The following MCU variants were observed in gnomAD, a reference collection of about 807,000 sequenced individuals.
MCU encodes the protein calcium uniporter protein, mitochondrial.
MCU carries 12 observed loss-of-function variants against 45.2 expected under a neutral mutation model. That is an observed-to-expected ratio of 0.27 (90% CI 0.17 to 0.43). The LOEUF (loss-of-function observed/expected upper bound fraction) is 0.43, where lower values mean the gene tolerates loss of function less well. Among genes scored for constraint, MCU ranks in the 20% least tolerant of loss-of-function variants. The pLI, the probability that MCU is intolerant of heterozygous loss-of-function variation, is 1.00. For synonymous variants in MCU, 160 were observed against 165.1 expected, an observed-to-expected ratio of 0.97 and a Z score of 0.24; for missense variants, 324 against 436.7, an observed-to-expected ratio of 0.74 and a Z score of 2.30.
chr10:72,757,040 A>G (rs937079927), intron 1 of MCU: 2 of 152,058 alleles, frequency 1.3e-5, no homozygotes. Context: ...GAAAAGAACC[A>G]TACGAAAGTA....
At chr10:72,857,972 A>G (rs1242858585) in intron 2 of MCU, among the ~76,000 whole-genome samples, 1 of 152,176 alleles carries the variant, frequency 6.6e-6, no homozygotes, top group African/African-American at 2.4e-5. Flanking sequence ...GAGAACATGA[A>G]TTGTTTTTGA....
intron 1 of MCU, among the ~76,000 whole-genome samples, chr10:72,792,971 T>G (rs1004164288): frequency 3.3e-5 from 5 of 152,106 alleles, no homozygotes; most frequent in African/African-American, 1.2e-4. Context: ...CTCCGCTTCC[T>G]GGGTTCACGT....
chr10:72,800,678 G>C (rs1844325424), intron 1 of MCU, among the ~76,000 whole-genome samples: 1 of 152,170 alleles, frequency 6.6e-6, no homozygotes, highest in Non-Finnish European at 1.5e-5. Flanking sequence ...ACAGAATACT[G>C]AATACAAGAG....
intron 1 of MCU, among the ~76,000 whole-genome samples, chr10:72,766,318 C>T (rs1843725934): frequency 6.6e-6 from 1 of 151,932 alleles, no homozygotes; most frequent in Non-Finnish European, 1.5e-5. Flanking sequence ...CAGATTAAAC[C>T]CAACGTGTCT....
At chr10:72,863,529 C>T (rs189966470) in intron 4 of MCU, among the ~76,000 whole-genome samples, 12 of 152,290 alleles carry the variant, frequency 7.9e-5, no homozygotes, top group African/African-American at 2.9e-4. Context: ...AAAAAACTTG[C>T]AAACGAACCA....
intron 1 of MCU, among the ~76,000 whole-genome samples, chr10:72,751,854 T>C (rs74586124): frequency 6.6e-6 from 1 of 151,632 alleles, no homozygotes; most frequent in Non-Finnish European, 1.5e-5. Context: ...TTTTTTTTTT[T>C]CCTGAGACAG....
intron 1 of MCU, among the ~76,000 whole-genome samples, chr10:72,792,702 C>A: frequency 7.7e-6 from 1 of 129,648 alleles, no homozygotes; most frequent in Non-Finnish European, 1.6e-5. Context: ...CCTCTCCCCT[C>A]CCCCCCACCC....
intron 1 of MCU, among the ~76,000 whole-genome samples, chr10:72,816,646 G>T (rs1259928332): frequency 6.6e-6 from 1 of 152,170 alleles, no homozygotes; most frequent in Non-Finnish European, 1.5e-5. Context: ...TGGGGTGGTG[G>T]CAAGCACCAC....
At chr10:72,732,713 A>AT (rs1449410866) in intron 1 of MCU, among the ~76,000 whole-genome samples, 5 of 152,250 alleles carry the variant, frequency 3.3e-5, no homozygotes, top group African/African-American at 4.8e-5. Flanking sequence ...GTTTTGCAAG[A>AT]TTTTGTACAT....
intron 1 of MCU, chr10:72,766,563 C>A (rs1843729585): frequency 1.3e-5 from 2 of 152,090 alleles, no homozygotes; most frequent in Admixed American, 1.3e-4. Context: ...TTACCTTTAA[C>A]TAAAAAAAAT....
In MCU at chr10:72,827,322, C is replaced by G. The variant is rs936606271; in HGVS notation, c.151-7037C>G. Among the ~76,000 whole-genome samples the G allele has an allele frequency of 2.6e-5, 4 of 152,088 alleles. 1 individual carries two copies. Among genetic ancestry groups the G allele is most frequent in the African/African-American group, 9.7e-5 (4 of 41,428 alleles). ...AATAGTGAACAATACATTCAATGAC[C>G]ATCTCAATACAACACGGAATGCATT... On this transcript the variant is annotated intron_variant, in intron 1 of 7. Transcript: ENST00000373053.
intron 1 of MCU, among the ~76,000 whole-genome samples, chr10:72,754,954 T>C (rs1843553868): frequency 6.6e-6 from 1 of 152,210 alleles, no homozygotes; most frequent in South Asian, 2.1e-4. Flanking sequence ...CTCACATATT[T>C]CATAACAAAC....
At chr10:72,879,177 C>T (rs909559130) in intron 6 of MCU, among the ~76,000 whole-genome samples, 24 of 152,104 alleles carry the variant, frequency 1.6e-4, no homozygotes, top group African/African-American at 5.3e-4. Context: ...GCATGAGGAT[C>T]GCTTGAACCT....
chr10:72,744,450 C>T (rs1456071472), intron 1 of MCU, among the ~76,000 whole-genome samples: 1 of 152,168 alleles, frequency 6.6e-6, no homozygotes, highest in Non-Finnish European at 1.5e-5. Context: ...GAACACAAAA[C>T]AGCAAGGGTA....
intron 1 of MCU, among the ~76,000 whole-genome samples, chr10:72,817,015 A>G (rs1354646131): frequency 1.3e-5 from 2 of 152,204 alleles, no homozygotes; most frequent in Non-Finnish European, 2.9e-5. Flanking sequence ...AGTTTCCTGC[A>G]TATTCCTCCC....
At chr10:72,740,643 G>T (rs1454899841) in intron 1 of MCU, among the ~76,000 whole-genome samples, 2 of 152,082 alleles carry the variant, frequency 1.3e-5, no homozygotes, top group African/African-American at 4.8e-5. Flanking sequence ...TTGCATGTTT[G>T]TTTTCCTGAT....
intron 4 of MCU, among the ~76,000 whole-genome samples, chr10:72,863,437 G>A (rs963918520): frequency 6.6e-6 from 1 of 152,104 alleles, no homozygotes; most frequent in African/African-American, 2.4e-5. Context: ...GAGCTAGCTG[G>A]GAGAAAGTAT....
chr10:72,735,246 TGTTAAA>T lies in MCU; in HGVS notation c.150+42948_150+42953del, dbSNP rs1448020284. Among the ~76,000 whole-genome samples, 6 of 152,126 alleles carry T rather than the reference TGTTAAA, an allele frequency of 3.9e-5. 1 individual carries two copies. In the East Asian group the frequency reaches 7.7e-4, roughly 20 times the overall value. On this transcript the variant is annotated intron_variant, in intron 1 of 7. Transcript: ENST00000373053. ...AACTGGCAATGAAAATAAGTTGTAT[TGTTAAA>T]GTGTGTTGGGTTTTTTTTCAGACTA...
chr10:72,805,136 T>TTTCTTTCTTTCTTTCC (rs1844419201), intron 1 of MCU, among the ~76,000 whole-genome samples: 1 of 139,964 alleles, frequency 7.1e-6, no homozygotes, highest in Non-Finnish European at 1.5e-5. Flanking sequence ...TCTTTCTTTC[T>TTTCTTTCTTTCTTTCC]TTCTTTCTTT....
Sources: gnomAD v4.1 joint callset for allele counts (sites outside exome capture counted in the v4.1 genomes callset) on GRCh38, gnomAD v4.1.1 for gene constraint, MANE v1.5 for transcripts, NCBI Gene and HGNC (gene_info 2026-07-23, HGNC 2026-07-21) for gene names.